The following CADM2 variants were observed in gnomAD, a reference collection of about 807,000 sequenced individuals.
The protein encoded by CADM2 is immunoglobulin superfamily member 4D.
In CADM2, 12 loss-of-function variants were observed where a neutral mutation model predicts 49.8. The ratio of observed to expected loss-of-function variants is 0.24; its 90% confidence interval spans 0.15 to 0.39. The LOEUF (loss-of-function observed/expected upper bound fraction) is 0.39, where lower values mean the gene tolerates loss of function less well. Among genes scored for constraint, CADM2 ranks in the 10% least tolerant of loss-of-function variants. The pLI is 1.00. For missense variants in CADM2, 378 were observed against 492.3 expected (o/e 0.77, Z 2.20); for synonymous variants, 214 against 175.4 (o/e 1.22, Z -1.74).
In CADM2 at chr3:85,948,694, C is replaced by A. The variant is rs371769892; in HGVS notation, c.792-12775C>A. On this transcript the variant is annotated intron_variant, in intron 7 of 9. Transcript: ENST00000383699. Reference sequence around the variant, plus strand: ...ACAAAACTCAAACGTATAGAAGCTTCTAAATTTCAAAGCTAAATAAAATAA... The same window carrying A: ...ACAAAACTCAAACGTATAGAAGCTTATAAATTTCAAAGCTAAATAAAATAA... Among the ~76,000 whole-genome samples the A allele has an allele frequency of 4.0e-5, 6 of 150,716 alleles. No homozygotes were observed. In the East Asian group the frequency reaches 9.8e-4, roughly 25 times the overall value.
intron 1 of CADM2, among the ~76,000 whole-genome samples, chr3:85,099,720 T>A (rs573937430): frequency 5.9e-5 from 9 of 152,182 alleles, no homozygotes; most frequent in Non-Finnish European, 1.2e-4. Flanking sequence ...TCCGCCCGCC[T>A]CAGCCTCCCA....
rs17022984 is a variant in CADM2, at chr3:85,554,517, A to G, written c.62-172005A>G. Among the ~76,000 whole-genome samples, 275 of 152,284 alleles carry G rather than the reference A, an allele frequency of 1.8e-3. 3 individuals are homozygous for G. In the East Asian group the frequency reaches 0.045, roughly 25 times the overall value. ...TTATAGACGCTTAATATGATTTGAA[A>G]GAGGTTTATCTATCTTTTCAAAATC... On this transcript the variant is annotated intron_variant, in intron 1 of 9. Coordinates refer to ENST00000383699, the MANE Select transcript of CADM2 (RefSeq NM_001167675.2).
chr3:85,090,850 T>G (rs917742679), intron 1 of CADM2, among the ~76,000 whole-genome samples: 1 of 152,188 alleles, frequency 6.6e-6, no homozygotes, highest in African/African-American at 2.4e-5. Flanking sequence ...TGATCTGAGG[T>G]GGAACACTTT....
At chr3:85,474,973 A>G (rs1225960672) in intron 1 of CADM2, among the ~76,000 whole-genome samples, 1 of 151,900 alleles carries the variant, frequency 6.6e-6, no homozygotes, top group Non-Finnish European at 1.5e-5. Context: ...TGCTCTGAGC[A>G]AAATCACAGT....
chr3:86,065,870 C>T (rs1038147304), intron 9 of CADM2, 140 bp downstream of exon 9: 1 of 820,518 alleles, frequency 1.2e-6, no homozygotes, highest in Non-Finnish European at 1.7e-6. Context: ...ATTATTTCAG[C>T]GAATTCTTAA....
intron 8 of CADM2, among the ~76,000 whole-genome samples, chr3:86,003,206 T>G (rs990074875): frequency 6.6e-6 from 1 of 152,142 alleles, no homozygotes; most frequent in African/African-American, 2.4e-5. Flanking sequence ...ATACTAGGAT[T>G]TCTAACTCCC....
chr3:85,023,882 A>G (rs1047178627), intron 1 of CADM2, among the ~76,000 whole-genome samples: 3 of 152,010 alleles, frequency 2.0e-5, no homozygotes, highest in Non-Finnish European at 2.9e-5. Flanking sequence ...TATTTTTACT[A>G]TCAGAACAGA....
chr3:85,797,789 T>A (rs1197368332), intron 2 of CADM2, among the ~76,000 whole-genome samples: 1 of 152,232 alleles, frequency 6.6e-6, no homozygotes, highest in African/African-American at 2.4e-5. Context: ...GTGGGATTGC[T>A]GGGTCAAATG....
chr3:85,154,292 G>A (rs1323057420), intron 1 of CADM2, among the ~76,000 whole-genome samples: 1 of 152,206 alleles, frequency 6.6e-6, no homozygotes, highest in African/African-American at 2.4e-5. Context: ...TGTGAAGAAT[G>A]CAGAAGCCTC....
intron 1 of CADM2, among the ~76,000 whole-genome samples, chr3:85,405,770 A>C (rs2107453620): frequency 6.6e-6 from 1 of 152,012 alleles, no homozygotes; most frequent in African/African-American, 2.4e-5. Flanking sequence ...TTTGTCACAT[A>C]GGTAAACATG....
At chr3:85,488,163 T>C (rs2039508421) in intron 1 of CADM2, among the ~76,000 whole-genome samples, 1 of 152,200 alleles carries the variant, frequency 6.6e-6, no homozygotes, top group African/African-American at 2.4e-5. Flanking sequence ...TTTCTTTTGC[T>C]AAGGCCATTA....
At chr3:85,732,366 A>G (rs924015262) in intron 2 of CADM2, among the ~76,000 whole-genome samples, 3 of 152,212 alleles carry the variant, frequency 2.0e-5, no homozygotes, top group Admixed American at 6.5e-5. Context: ...GTTTATGCTT[A>G]TTCTACACAA....
intron 7 of CADM2, among the ~76,000 whole-genome samples, chr3:85,954,550 G>T (rs1723813083): frequency 6.6e-6 from 1 of 151,046 alleles, no homozygotes; most frequent in Non-Finnish European, 1.5e-5. Flanking sequence ...AGCAACCCCA[G>T]CTTCTAATAT....
At chr3:85,166,209 A>G (rs1165740789) in intron 1 of CADM2, among the ~76,000 whole-genome samples, 2 of 151,872 alleles carry the variant, frequency 1.3e-5, no homozygotes, top group African/African-American at 4.8e-5. Flanking sequence ...GGAATGTGCT[A>G]ATCTTTAGAA....
At chr3:85,318,394 G>A (rs1461039580) in intron 1 of CADM2, among the ~76,000 whole-genome samples, 1 of 151,790 alleles carries the variant, frequency 6.6e-6, no homozygotes, top group Non-Finnish European at 1.5e-5. Context: ...TGGACAAACA[G>A]AAAAAATATA....
chr3:85,481,651 T>G (rs1333066095), intron 1 of CADM2, among the ~76,000 whole-genome samples: 1 of 151,658 alleles, frequency 6.6e-6, no homozygotes, highest in Non-Finnish European at 1.5e-5. Context: ...TGAAGAGAAT[T>G]ACCACTGAGA....
chr3:85,898,698 G>A (rs889155492), intron 5 of CADM2, among the ~76,000 whole-genome samples: 4 of 150,854 alleles, frequency 2.7e-5, no homozygotes, highest in Admixed American at 6.6e-5. Context: ...GCCACAATTA[G>A]TTACCTGTTT....
At chr3:85,039,286 G>A (rs748048873) in intron 1 of CADM2, among the ~76,000 whole-genome samples, 4 of 151,984 alleles carry the variant, frequency 2.6e-5, no homozygotes, top group African/African-American at 4.8e-5. Flanking sequence ...AACCATACCT[G>A]GCTGTAATAA....
chr3:85,151,725 T>C (rs2039928785), intron 1 of CADM2, among the ~76,000 whole-genome samples: 1 of 152,192 alleles, frequency 6.6e-6, no homozygotes. Context: ...TCATTTGTTA[T>C]AGTTTGGGAG....
Sources: allele counts gnomAD v4.1 joint callset (sites outside exome capture counted in the v4.1 genomes callset), GRCh38; gene constraint gnomAD v4.1.1; transcripts MANE v1.5; gene names NCBI Gene and HGNC (gene_info 2026-07-23, HGNC 2026-07-21).